Variants in SEC24A observed in about 807,000 individuals in gnomAD.
SEC24A encodes the protein SEC24 homolog A, COPII component, also known as protein transport protein Sec24A.
Under a neutral mutation model 129.4 loss-of-function variants are expected in SEC24A, and 93 were observed. The ratio of observed to expected loss-of-function variants is 0.72; its 90% CI spans 0.61 to 0.85. The LOEUF is 0.85. Among genes scored for constraint, SEC24A ranks in the 40% least tolerant of loss-of-function variants. The pLI is 0.00. For missense variants in SEC24A, 1,264 were observed against 1,307.4 expected (o/e 0.97, Z 0.51); for synonymous variants, 460 against 467.3 (o/e 0.98, Z 0.20).
intron 4 of SEC24A, among the ~76,000 whole-genome samples, chr5:134,673,674 G>T (rs1403173593): frequency 1.3e-5 from 2 of 150,156 alleles, no homozygotes; most frequent in African/African-American, 4.9e-5. Context: ...GGCCAGGCTG[G>T]TCTCCAACTC....
chr5:134,674,026 G>C (rs1388690486), intron 4 of SEC24A, among the ~76,000 whole-genome samples: 1 of 151,986 alleles, frequency 6.6e-6, no homozygotes, highest in African/African-American at 2.4e-5. Context: ...CCAGCTACTC[G>C]AGAGGCTGAA....
intron 12 of SEC24A, chr5:134,693,142 C>A: frequency 6.5e-7 from 1 of 1,535,636 alleles, no homozygotes; most frequent in South Asian, 1.2e-5. Context: ...TGTTGTCTAC[C>A]CTGTACATGC....
At chr5:134,705,292 T>C (rs745906550) in intron 16 of SEC24A, 35 bp from the exon 17 acceptor site, 24 of 1,461,730 alleles carry the variant, frequency 1.6e-5, no homozygotes, top group Non-Finnish European at 2.3e-5. Flanking sequence ...TTTATATAGT[T>C]GCCCCTCACT....
chr5:134,675,106 G>T lies in SEC24A; in HGVS notation c.1040G>T (p.Gly347Val). 6.2e-7 allele frequency: 1 copy of T among 1,613,450 alleles called. No homozygotes were observed. Among genetic ancestry groups the T allele is most frequent in the South Asian group, 1.1e-5 (1 of 91,018 alleles). Residue 347 changes from glycine to valine, a missense_variant, in exon 6 of 23, where the codon GGT (glycine) becomes GTT (valine). By Grantham distance (109) the Gly-to-Val change is moderately radical (BLOSUM62 -3). Coordinates refer to ENST00000398844, the MANE Select transcript of SEC24A (RefSeq NM_021982.3). ...AGTGGATTAAGTCTACAACCAGAGGGTCTAAGAGTTGTCAATCTTCTTCAA... is the reference window on the plus strand; with the variant it reads ...AGTGGATTAAGTCTACAACCAGAGGTTCTAAGAGTTGTCAATCTTCTTCAA... Reference protein sequence around the residue: ...SMSGLSLQPEGLRVVNLLQER... With the variant: ...SMSGLSLQPEVLRVVNLLQER...
At chr5:134,693,672 A>C in intron 12 of SEC24A, 55 bp from the exon 13 acceptor site, 1 of 1,593,014 alleles carries the variant, frequency 6.3e-7, no homozygotes, top group Admixed American at 1.7e-5. Context: ...TACTGACTTA[A>C]TGTGAAATAA....
intron 16 of SEC24A, 39 bp from the exon 17 acceptor site, chr5:134,705,288 T>C (rs781526462): frequency 2.8e-6 from 4 of 1,449,246 alleles, no homozygotes; most frequent in Admixed American, 3.4e-5. Context: ...TTGTTTTATA[T>C]AGTTGCCCCT....
chr5:134,701,513 C>CTT (rs10714056), intron 15 of SEC24A, among the ~76,000 whole-genome samples: 1 of 136,950 alleles, frequency 7.3e-6, no homozygotes, highest in Non-Finnish European at 1.6e-5. Context: ...CCTTTGCCCT[C>CTT]TTTTTTTTTT....
chr5:134,688,165 C>G lies in SEC24A; in HGVS notation c.1605-16C>G, dbSNP rs550700886. ...GGTTAAAACTTGATAAAATACTCTTCTGAATTTGTTTTTAGGCTTCCTGGC... is the reference window on the plus strand; with the variant it reads ...GGTTAAAACTTGATAAAATACTCTTGTGAATTTGTTTTTAGGCTTCCTGGC... On this transcript the variant is annotated splice_polypyrimidine_tract_variant and intron_variant, in intron 10 of 22. Transcript: ENST00000398844. 5.0e-6 allele frequency: 7 copies of G among 1,395,386 alleles called. 1 individual carries two copies. The South Asian group carries it at 8.1e-5, about 16-fold the overall frequency. The allele number at this position is 1,395,386 out of a possible 1,614,324, so 86.4% of individuals were successfully genotyped here.
At chr5:134,694,832 AAAAG>A (rs1272436656) in intron 13 of SEC24A, among the ~76,000 whole-genome samples, 2 of 151,924 alleles carry the variant, frequency 1.3e-5, no homozygotes, top group African/African-American at 4.8e-5. Flanking sequence ...AAAAAAAAAA[AAAAG>A]AAAAGAAAAA....
At chr5:134,666,778 G>A (rs770318638) in intron 2 of SEC24A, 45 bp from the exon 3 acceptor site, 1 of 1,569,504 alleles carries the variant, frequency 6.4e-7, no homozygotes, top group Non-Finnish European at 8.8e-7. Flanking sequence ...TTTGGCCATA[G>A]TCTTGAGTTC....
chr5:134,721,548 T>G (rs1580745009), intron 21 of SEC24A, among the ~76,000 whole-genome samples: 5 of 119,586 alleles, frequency 4.2e-5, no homozygotes, highest in African/African-American at 1.0e-4. Flanking sequence ...GGCAACAGAG[T>G]GAGACTCCAT....
rs188897071 is a variant in SEC24A, at chr5:134,699,166, G to A, written c.2266+1109G>A. On this transcript the variant is annotated intron_variant, in intron 15 of 22. Coordinates refer to ENST00000398844, the MANE Select transcript of SEC24A (RefSeq NM_021982.3). ...GCTGGTTGCAAGCTCGTGGGCTCAC[G>A]TGATCTTCCTGCCTTAGCCTCCCAA... 5.3e-5 allele frequency among the ~76,000 whole-genome samples: 8 copies of A among 152,084 alleles called. No homozygotes were observed. In the East Asian group the frequency reaches 5.8e-4, roughly 11 times the overall value.
In SEC24A at chr5:134,675,086, A is replaced by G; in HGVS notation, c.1020A>G (p.Gly340=). 1 of 1,611,938 alleles carries G rather than the reference A, an allele frequency of 6.2e-7. No homozygotes were observed. The highest frequency in any genetic ancestry group is 8.5e-7 in the Non-Finnish European group (1 of 1,178,540). The change falls in exon 6 of 23, where the codon GGA becomes GGG. Residue 340 remains glycine, a synonymous_variant. Transcript: ENST00000398844. ...GANHLTTSMS[G]LSLQPEGLRV... is the part of the protein sequence containing the mutation. ...ATCATTTAACCACAAGCATGAGTGGATTAAGTCTACAACCAGAGGGTCTAA... is the reference window on the plus strand; with the variant it reads ...ATCATTTAACCACAAGCATGAGTGGGTTAAGTCTACAACCAGAGGGTCTAA...
intron 13 of SEC24A, among the ~76,000 whole-genome samples, 179 bp downstream of exon 13, chr5:134,694,112 C>T (rs1251543063): frequency 6.6e-6 from 1 of 152,088 alleles, no homozygotes; most frequent in East Asian, 1.9e-4. Flanking sequence ...TTCACCCTTC[C>T]TTAATTTTTA....
At position 134,702,749 on chromosome 5, in the gene SEC24A, TTTTG is replaced by T. The variant is rs1752039345; in HGVS notation, c.2267-999_2267-996del. Among the ~76,000 whole-genome samples the T allele has an allele frequency of 6.6e-5, 10 of 152,078 alleles. No individual in the cohort carries two copies. The South Asian group carries it at 1.5e-3, about 22-fold the overall frequency. ...CAGACTGAACAAATCACAGTTTAGTTTTTGTTTGTTTGTTGTTGTTGTTGTTGTT... is the reference window on the plus strand; with the variant it reads ...CAGACTGAACAAATCACAGTTTAGTTTTTGTTTGTTGTTGTTGTTGTTGTT... On this transcript the variant is annotated intron_variant, in intron 15 of 22. Transcript: ENST00000398844.
intron 17 of SEC24A, 21 bp from the exon 18 acceptor site, chr5:134,708,692 C>CCTTACCCTCACCTTG: frequency 6.3e-7 from 1 of 1,594,266 alleles, no homozygotes. Context: ...TCTTTTTTGT[C>CCTTACCCTCACCTTG]CTTACCCTCA....
intron 15 of SEC24A, among the ~76,000 whole-genome samples, chr5:134,702,555 C>T (rs1304334065): frequency 6.6e-6 from 1 of 152,096 alleles, no homozygotes; most frequent in African/African-American, 2.4e-5. Context: ...ATTTCCTATA[C>T]ATTTGCATAC....
rs992755481 is a variant in SEC24A, at chr5:134,652,778, T to G, written c.97+3605T>G. ...TGCCTGGCTGATTTTGTATTTTGTT[T>G]GTTTGTTTTGTTTTGTTTTTGTTTT... On this transcript the variant is annotated intron_variant, in intron 1 of 22. Coordinates refer to ENST00000398844, the MANE Select transcript of SEC24A (RefSeq NM_021982.3). Among the ~76,000 whole-genome samples the G allele has an allele frequency of 5.9e-5, 9 of 152,030 alleles. No homozygotes were observed. In the South Asian group the frequency reaches 1.9e-3, roughly 32 times the overall value.
At chr5:134,704,325 C>T (rs1475640705) in intron 16 of SEC24A, among the ~76,000 whole-genome samples, 1 of 152,142 alleles carries the variant, frequency 6.6e-6, no homozygotes, top group Non-Finnish European at 1.5e-5. Context: ...GCCTCTGCCT[C>T]CCAACGTGCT....
Sources: allele counts gnomAD v4.1 joint callset (sites outside exome capture counted in the v4.1 genomes callset), GRCh38; gene constraint gnomAD v4.1.1; transcripts MANE v1.5; gene names NCBI Gene and HGNC (gene_info 2026-07-23, HGNC 2026-07-21).